Variants in RBFOX1 observed in about 807,000 individuals in gnomAD.
RBFOX1 encodes RNA binding fox-1 homolog 1.
RBFOX1 carries 8 observed loss-of-function variants against 57.7 expected under a neutral mutation model. That is an observed-to-expected ratio of 0.14 (90% confidence interval 0.08 to 0.25). The LOEUF (loss-of-function observed/expected upper bound fraction) is 0.25. Among genes scored for constraint, RBFOX1 ranks in the 10% least tolerant of loss-of-function variants. The pLI is 1.00. For missense variants in RBFOX1, 611 were observed against 548.5 expected (o/e 1.11, Z -1.14); for synonymous variants, 326 against 222.4 (o/e 1.47, Z -4.15).
intron 3 of RBFOX1, among the ~76,000 whole-genome samples, chr16:6,892,124 C>G (rs1390473558): frequency 2.0e-5 from 3 of 152,148 alleles, no homozygotes; most frequent in East Asian, 1.9e-4. Context: ...ACCCAAGTCC[C>G]CAAACCCCCT....
chr16:7,633,680 G>A (rs1309893353), intron 11 of RBFOX1, among the ~76,000 whole-genome samples: 1 of 152,164 alleles, frequency 6.6e-6, no homozygotes, highest in Non-Finnish European at 1.5e-5. Context: ...ATCTCGATTA[G>A]TATTTTGTAA....
chr16:6,880,365 C>T (rs543525547), intron 3 of RBFOX1, among the ~76,000 whole-genome samples: 1 of 152,152 alleles, frequency 6.6e-6, no homozygotes, highest in African/African-American at 2.4e-5. Flanking sequence ...TAGTATTATA[C>T]TTTCCACTTC....
intron 3 of RBFOX1, among the ~76,000 whole-genome samples, chr16:6,741,993 T>A (rs1603486636): frequency 1.3e-5 from 2 of 152,276 alleles, no homozygotes; most frequent in Middle Eastern, 6.8e-3. Flanking sequence ...TTCAAATGTT[T>A]TCACCACAAA....
intron 4 of RBFOX1, among the ~76,000 whole-genome samples, chr16:5,933,303 G>T (rs188813255): frequency 1.3e-5 from 2 of 152,214 alleles, no homozygotes; most frequent in East Asian, 1.9e-4. Flanking sequence ...GTCAAGGGGA[G>T]TCAATTGATT....
chr16:5,240,327 C>G (rs1012284093), intron 1 of RBFOX1, among the ~76,000 whole-genome samples: 8 of 152,096 alleles, frequency 5.3e-5, no homozygotes, highest in Non-Finnish European at 1.2e-4. Flanking sequence ...CCACGACGTC[C>G]CTGGCCAGGA....
At chr16:5,526,988 G>T (rs1293074408) in intron 2 of RBFOX1, among the ~76,000 whole-genome samples, 2 of 152,180 alleles carry the variant, frequency 1.3e-5, no homozygotes, top group African/African-American at 4.8e-5. Context: ...TTTCTGGGAG[G>T]CTTAAAGGGA....
chr16:7,546,089 G>A (rs1173498313), intron 5 of RBFOX1, among the ~76,000 whole-genome samples: 3 of 152,066 alleles, frequency 2.0e-5, no homozygotes, highest in Admixed American at 1.3e-4. Context: ...CACTTTGGGG[G>A]ACAGAGGCAG....
At chr16:7,501,358 G>A (rs149542813) in intron 4 of RBFOX1, among the ~76,000 whole-genome samples, 137 of 152,302 alleles carry the variant, frequency 9.0e-4, no homozygotes, top group African/African-American at 3.1e-3. Context: ...ATAAGACAAA[G>A]GAATGCATAA....
At chr16:5,520,070 A>G (rs1230551623) in intron 2 of RBFOX1, among the ~76,000 whole-genome samples, 1 of 152,244 alleles carries the variant, frequency 6.6e-6, no homozygotes, top group Non-Finnish European at 1.5e-5. Context: ...GCAGAGGTAC[A>G]GGATGTGATG....
Position 6,908,543 on chromosome 16 carries a change from A to G in RBFOX1, c.-15-143514A>G, listed in dbSNP as rs140409331. ...CTCACTTATCAGGTTCACCTCCCAA[A>G]CTACTTTTCAGAGTGCCAAGCATGT... is the stretch of plus-strand genomic sequence containing the variant. On this transcript the variant is annotated intron_variant, in intron 3 of 15. Coordinates refer to ENST00000550418, the MANE Select transcript of RBFOX1 (RefSeq NM_018723.4). Among the ~76,000 whole-genome samples, 270 of 152,226 alleles carry G rather than the reference A, an allele frequency of 1.8e-3. 3 individuals carry two copies. Among genetic ancestry groups the G allele is most frequent in the Admixed American group, 0.015 (229 of 15,290 alleles).
intron 1 of RBFOX1, among the ~76,000 whole-genome samples, chr16:6,303,979 T>C (rs1402111174): frequency 6.7e-6 from 1 of 148,592 alleles, no homozygotes; most frequent in African/African-American, 2.5e-5. Context: ...GCCTGGCTAA[T>C]TTTTGTATTT....
chr16:7,422,494 T>TG (rs1415040529), intron 4 of RBFOX1, among the ~76,000 whole-genome samples: 3 of 152,172 alleles, frequency 2.0e-5, no homozygotes, highest in Non-Finnish European at 2.9e-5. Flanking sequence ...TGGCATGATT[T>TG]GGGGTGGAAT....
chr16:7,379,754 C>G (rs1236300234), intron 4 of RBFOX1, among the ~76,000 whole-genome samples: 1 of 151,102 alleles, frequency 6.6e-6, no homozygotes, highest in African/African-American at 2.4e-5. Context: ...GCTTGCCTGC[C>G]TGCCTGCCTG....
intron 5 of RBFOX1, among the ~76,000 whole-genome samples, chr16:7,577,240 A>C (rs2152818828): frequency 6.6e-6 from 1 of 152,320 alleles, no homozygotes; most frequent in South Asian, 2.1e-4. Flanking sequence ...TGTGACCCTT[A>C]GGTGGCTCCT....
chr16:5,730,791 A>G (rs374601188), intron 3 of RBFOX1, among the ~76,000 whole-genome samples: 26 of 152,212 alleles, frequency 1.7e-4, no homozygotes, highest in Admixed American at 6.5e-4. Flanking sequence ...CAATGTTAAC[A>G]CCATTACCAC....
At chr16:7,007,528 G>C (rs1411499146) in intron 3 of RBFOX1, among the ~76,000 whole-genome samples, 1 of 152,144 alleles carries the variant, frequency 6.6e-6, no homozygotes, top group Non-Finnish European at 1.5e-5. Flanking sequence ...ATTAGGACAT[G>C]GGTATCTTGG....
intron 4 of RBFOX1, among the ~76,000 whole-genome samples, chr16:7,065,127 T>C (rs961698680): frequency 6.6e-6 from 1 of 152,226 alleles, no homozygotes; most frequent in African/African-American, 2.4e-5. Flanking sequence ...ACCAATTCTG[T>C]ATGGAGACGC....
intron 4 of RBFOX1, among the ~76,000 whole-genome samples, chr16:7,473,077 A>C (rs988713309): frequency 1.3e-5 from 2 of 152,286 alleles, no homozygotes; most frequent in Non-Finnish European, 2.9e-5. Flanking sequence ...GATGAATAGC[A>C]TTAGATTAAA....
chr16:7,339,938 C>G (rs1338893634), intron 4 of RBFOX1, among the ~76,000 whole-genome samples: 1 of 152,200 alleles, frequency 6.6e-6, no homozygotes, highest in African/African-American at 2.4e-5. Context: ...CACACCATGT[C>G]CAAGTGGTGG....
Sources: gnomAD v4.1 joint callset for allele counts (sites outside exome capture counted in the v4.1 genomes callset) on GRCh38, gnomAD v4.1.1 for gene constraint, MANE v1.5 for transcripts, NCBI Gene and HGNC (gene_info 2026-07-23, HGNC 2026-07-21) for gene names.